NDOR1: variants seen among roughly 807,000 people sequenced by gnomAD.
NDOR1 encodes NADPH-dependent diflavin oxidoreductase 1.
A neutral mutation model predicts 67.2 loss-of-function variants in NDOR1; 61 were observed. That is an observed-to-expected ratio of 0.91 (90% confidence interval 0.74 to 1.12). The LOEUF (loss-of-function observed/expected upper bound fraction) is 1.12. Among genes scored for constraint, NDOR1 ranks in the 50% most tolerant of loss-of-function variants. The pLI, the probability that NDOR1 is intolerant of heterozygous loss-of-function variation, is 0.00. For missense variants in NDOR1, 878 were observed against 802.8 expected (o/e 1.09, Z -1.13); for synonymous variants, 378 against 343.7 (o/e 1.10, Z -1.10).
In NDOR1 at chr9:137,218,855, G is replaced by A; in HGVS notation, c.*2439G>A. On this transcript the variant is annotated 3_prime_UTR_variant, in exon 14 of 14. Coordinates refer to ENST00000684003, the MANE Select transcript of NDOR1 (RefSeq NM_014434.4). ...GAACCCAAGGACACCAGCGCCCAAG[G>A]ACAGCTCCTGGAGGAGGCCAGCCCA... 1 of 386,460 alleles carries A rather than the reference G, an allele frequency of 2.6e-6. No individual in the cohort carries two copies. The highest frequency in any genetic ancestry group is 4.5e-5 in the Admixed American group (1 of 22,272). The allele number at this position is 386,460 out of a possible 1,614,324, so 23.9% of individuals were successfully genotyped here.
chr9:137,208,870 T>TTTG (rs373421878), intron 2 of NDOR1, among the ~76,000 whole-genome samples: 148 of 150,504 alleles, frequency 9.8e-4, no homozygotes, highest in African/African-American at 3.4e-3. Flanking sequence ...TTTGTTGTTG[T>TTTG]TTGTTGTTGT....
At position 137,218,622 on chromosome 9, in the gene NDOR1, C is replaced by T. The variant is rs1310996290; in HGVS notation, c.*2206C>T. ...CGCTGAGCAGAGCCCAGGACAGCCC[C>T]GCCGCCAACAGGCCAGGGGGCCCAG... On this transcript the variant is annotated 3_prime_UTR_variant, in exon 14 of 14. Transcript: ENST00000684003. 13 of 398,564 alleles carry T rather than the reference C, an allele frequency of 3.3e-5. No homozygotes were observed. Among genetic ancestry groups the T allele is most frequent in the Admixed American group, 2.2e-4 (5 of 22,740 alleles). 24.7% of individuals were successfully genotyped at this position (398,564 alleles called of 1,614,324 possible).
At position 137,213,808 on chromosome 9, in the gene NDOR1, C is replaced by G. The variant is rs752836546; in HGVS notation, c.340C>G (p.Arg114Gly). 6.2e-7 allele frequency: 1 copy of G among 1,612,724 alleles called. No individual in the cohort carries two copies. The highest frequency in any genetic ancestry group is 1.7e-5 in the Admixed American group (1 of 59,830). ...CAACTTCGTGGCCAAGAAGCTGCAC[C>G]GACGGCTACTGCAGCTTGGGGGCAG... ...KFNFVAKKLH[R>G]RLLQLGGSAL... The change falls in exon 4 of 14, where the codon CGA (arginine) becomes GGA (glycine). Residue 114 changes from arginine (R) to glycine (G), a missense_variant. Physicochemically the swap from Arg to Gly is moderately radical, Grantham distance 125. Transcript: ENST00000684003.
Position 137,217,777 on chromosome 9 carries a change from T to C in NDOR1, c.*1361T>C, listed in dbSNP as rs903937595. ...CCCTGGGGTCCCTGTCCTCCTATCC[T>C]GACTCCTGCCCCAGGGCCACCACCC... On this transcript the variant is annotated 3_prime_UTR_variant, in exon 14 of 14. Transcript: ENST00000684003. 1.8e-5 allele frequency: 7 copies of C among 393,838 alleles called. No homozygotes were observed. Among genetic ancestry groups the C allele is most frequent in the Admixed American group, 4.4e-5 (1 of 22,528 alleles). 24.4% of individuals were successfully genotyped at this position (393,838 alleles called of 1,614,324 possible). A position where few individuals can be genotyped will look rare whatever the true frequency, so the allele number is the denominator to read the frequency against.
In NDOR1 at chr9:137,217,449, G is replaced by A. The variant is rs1359465734; in HGVS notation, c.*1033G>A. 1 of 152,460 alleles carries A rather than the reference G, an allele frequency of 6.6e-6. No homozygotes were observed. Among genetic ancestry groups the A allele is most frequent in the Non-Finnish European group, 1.5e-5 (1 of 68,222 alleles). The allele number at this position is 152,460 out of a possible 1,614,324, so 9.4% of individuals were successfully genotyped here. On this transcript the variant is annotated 3_prime_UTR_variant, in exon 14 of 14. Transcript: ENST00000684003. Reference sequence around the variant, plus strand: ...AGCCCCACCCCCGGGAGGGGCTTTAGGCACTGGGAAGGAAAGTCCTGTTGG... The same window carrying A: ...AGCCCCACCCCCGGGAGGGGCTTTAAGCACTGGGAAGGAAAGTCCTGTTGG...
chr9:137,213,882 A>C lies in NDOR1; in HGVS notation c.410+4A>C, dbSNP rs1053932222. 1 of 1,607,516 alleles carries C rather than the reference A, an allele frequency of 6.2e-7. No homozygotes were observed. The highest frequency in any genetic ancestry group is 1.3e-5 in the African/African-American group (1 of 74,748). ...GCGATGACCAGCATGAGCTGGGGTG[A>C]GTCTGCGGGCGTGGTACCCGCCTCC... On this transcript the variant is annotated splice_donor_region_variant and intron_variant, in intron 4 of 13. Transcript: ENST00000684003.
Position 137,218,726 on chromosome 9 carries a change from G to C in NDOR1, c.*2310G>C, listed in dbSNP as rs1835751989. 1 of 397,428 alleles carries C rather than the reference G, an allele frequency of 2.5e-6. No homozygotes were observed. The highest frequency in any genetic ancestry group is 2.1e-5 in the African/African-American group (1 of 48,628). The allele number at this position is 397,428 out of a possible 1,614,324, so 24.6% of individuals were successfully genotyped here. The stretch of plus-strand genomic sequence containing the variant: ...AAAACCCAAGGTTGGGTCCAGGGCA[G>C]TGGCCTTCAATCAAGACCTCCCATT... On this transcript the variant is annotated 3_prime_UTR_variant, in exon 14 of 14. Transcript: ENST00000684003.
At chr9:137,209,026 G>GC (rs1835117755) in intron 2 of NDOR1, among the ~76,000 whole-genome samples, 1 of 152,024 alleles carries the variant, frequency 6.6e-6, no homozygotes, top group South Asian at 2.1e-4. Flanking sequence ...GACTACAGGC[G>GC]CCGCCACCAC....
Position 137,212,993 on chromosome 9 carries a change from A to G in NDOR1, c.311+394A>G, listed in dbSNP as rs966135762. On this transcript the variant is annotated intron_variant, in intron 3 of 13. Coordinates refer to ENST00000684003, the MANE Select transcript of NDOR1 (RefSeq NM_014434.4). This position sits in a 1 kb window ranked among gnomAD's most constrained non-coding sequence, Gnocchi z 4.3. ...GGGCATTTTCACAGTGCTCCTCTGC[A>G]CCCTAAGCAAGGAGTGGCATGTTCA... Among the ~76,000 whole-genome samples, 1 of 152,122 alleles carries G rather than the reference A, an allele frequency of 6.6e-6. No individual in the cohort carries two copies.
chr9:137,216,074 C>A lies in NDOR1; in HGVS notation c.1555-20C>A. 6.2e-7 allele frequency: 1 copy of A among 1,613,468 alleles called. No individual in the cohort carries two copies. Among genetic ancestry groups the A allele is most frequent in the South Asian group, 1.1e-5 (1 of 91,086 alleles). On this transcript the variant is annotated intron_variant, in intron 12 of 13. Coordinates refer to ENST00000684003, the MANE Select transcript of NDOR1 (RefSeq NM_014434.4). ...GAGGGAGCTCCGGCTCAGCCCCCAG[C>A]CCTGTTCTCTGCCCTACAGGAGCAG...
chr9:137,210,887 T>C (rs376993358), intron 2 of NDOR1, among the ~76,000 whole-genome samples: 6 of 152,312 alleles, frequency 3.9e-5, no homozygotes, highest in African/African-American at 9.6e-5. Flanking sequence ...ACGCCTGTAA[T>C]ACCAACACTT....
Position 137,214,586 on chromosome 9 carries a change from G to A in NDOR1, c.739G>A (p.Val247Met). The A allele has an allele frequency of 1.2e-6, 2 of 1,611,566 alleles. No homozygotes were observed. Among genetic ancestry groups the A allele is most frequent in the East Asian group, 2.2e-5 (1 of 44,880 alleles). The stretch of plus-strand genomic sequence containing the variant: ...TCCACACAGCTTTGCTGCTGGTGAT[G>A]TGGTGCTGATTCAGCCCTCCAACTC... ...GSGISFAAGD[V>M]VLIQPSNSAA... Residue 247 changes from valine (V) to methionine (M), a missense_variant, in exon 7 of 14, where the codon GTG becomes ATG. Coordinates refer to ENST00000684003, the MANE Select transcript of NDOR1 (RefSeq NM_014434.4).
At position 137,219,014 on chromosome 9, in the gene NDOR1, C is replaced by T. The variant is rs145535838; in HGVS notation, c.*2598C>T. 3.3e-3 allele frequency: 592 copies of T among 177,600 alleles called. 6 individuals carry two copies. The highest frequency in any genetic ancestry group is 0.013 in the African/African-American group (555 of 42,582). The allele number at this position is 177,600 out of a possible 1,614,324, so 11.0% of individuals were successfully genotyped here. ...GCAGGCATGAAAGCAAACAGAGATA[C>T]AGCAGTGAGTCAGTTCCTTGGAGAG... On this transcript the variant is annotated 3_prime_UTR_variant, in exon 14 of 14. Coordinates refer to ENST00000684003, the MANE Select transcript of NDOR1 (RefSeq NM_014434.4).
rs1564398895 is a variant in NDOR1 at position 137,214,678 on chromosome 9, G to C, written c.831G>C (p.Gln277His). 4 of 1,603,850 alleles carry C rather than the reference G, an allele frequency of 2.5e-6. No homozygotes were observed. Among genetic ancestry groups the C allele is most frequent in the Non-Finnish European group, 3.4e-6 (4 of 1,179,824 alleles). The stretch of plus-strand genomic sequence containing the variant: ...ACCCTGACCAGCTCTTCATGCTGCA[G>C]CCGCGGGAGCCAGGTGAGCCCAGCC... ...GLDPDQLFML[Q>H]PREPDVSSPT... Residue 277 changes from glutamine (Q) to histidine (H), a missense_variant, in exon 7 of 14, where the codon CAG becomes CAC. Transcript: ENST00000684003.
Position 137,213,865 on chromosome 9 carries a change from C to T in NDOR1, c.397C>T (p.Gln133Ter). The T allele has an allele frequency of 1.9e-6, 3 of 1,610,812 alleles. No individual in the cohort carries two copies. Among genetic ancestry groups the T allele is most frequent in the Non-Finnish European group, 2.5e-6 (3 of 1,179,082 alleles). Residue 133 changes from glutamine (Q) to a stop codon, truncating the protein, a stop_gained, in exon 4 of 14, where the codon CAG becomes TAG. Transcript: ENST00000684003. LOFTEE classifies it high-confidence loss of function. ...ALLPVCLGDD[Q>*]HELGPDAAVD... ...CCTGCCCGTGTGCCTGGGCGATGAC[C>T]AGCATGAGCTGGGGTGAGTCTGCGG...
chr9:137,215,173 AG>A lies in NDOR1; in HGVS notation c.1147del (p.Ala383ProfsTer9). On this transcript the variant is annotated frameshift_variant, in exon 9 of 14. Transcript: ENST00000684003. LOFTEE classifies it high-confidence loss of function. ...GGACCTCATCCCCGTTATCCGGCCGAGGGCCTTCTCCATCGCCTCCTCGCTG... is the reference window on the plus strand; with the variant it reads ...GGACCTCATCCCCGTTATCCGGCCGAGGCCTTCTCCATCGCCTCCTCGCTG... ...LLDLIPVIRP[R>X]AFSIASSLLT... 6.2e-7 allele frequency: 1 copy of A among 1,612,948 alleles called. No homozygotes were observed.
rs767481752 is a variant in NDOR1 at position 137,212,477 on chromosome 9, G to A, written c.214-25G>A. On this transcript the variant is annotated intron_variant, in intron 2 of 13. Coordinates refer to ENST00000684003, the MANE Select transcript of NDOR1 (RefSeq NM_014434.4). The surrounding 1 kb of genome is among the most constrained non-coding windows in gnomAD (Gnocchi z 4.3). ...GGCTAGCCTAGAGGTCGAGGACTCT[G>A]ACTCAGAGTTTCCTCCGGCTGTAGA... 4.4e-6 allele frequency: 7 copies of A among 1,607,172 alleles called. No individual in the cohort carries two copies. The Admixed American group carries it at 6.7e-5, about 15-fold the overall frequency.
At position 137,212,954 on chromosome 9, in the gene NDOR1, C is replaced by G; in HGVS notation, c.311+355C>G. On this transcript the variant is annotated intron_variant, in intron 3 of 13. Transcript: ENST00000684003. This position sits in a 1 kb window ranked among gnomAD's most constrained non-coding sequence, Gnocchi z 4.3. ...GCTCCTGCCACCCCAGAGGCCACCT[C>G]TGCCTTTTCTCCTGGGCATTTTCAC... The G allele has an allele frequency of 3.4e-6, 1 of 295,368 alleles. No homozygotes were observed. The highest frequency in any genetic ancestry group is 4.1e-5 in the South Asian group (1 of 24,214). The allele number at this position is 295,368 out of a possible 1,614,324, so 18.3% of individuals were successfully genotyped here. A position where few individuals can be genotyped will look rare whatever the true frequency, so the allele number is the denominator to read the frequency against.
rs752891299 is a variant in NDOR1, at chr9:137,216,336, G to A, written c.1714G>A (p.Gly572Arg). 1.1e-5 allele frequency: 18 copies of A among 1,610,864 alleles called. No homozygotes were observed. In the African/African-American group the frequency reaches 2.3e-4, roughly 20 times the overall value. ...GATGTCCATCTTCCAGGAGGAGGGTGGACTCTGCAGCCCGGACGCAGCCGC... is the reference window on the plus strand; with the variant it reads ...GATGTCCATCTTCCAGGAGGAGGGTAGACTCTGCAGCCCGGACGCAGCCGC... ...ALMSIFQEEGGLCSPDAAAYL... is the reference protein window; with the variant it reads ...ALMSIFQEEGRLCSPDAAAYL... The change falls in exon 14 of 14, where the codon GGA (glycine) becomes AGA (arginine). Residue 572 changes from glycine (G) to arginine (R), a missense_variant. By Grantham distance (125) the Gly-to-Arg change is moderately radical (BLOSUM62 -2). Coordinates refer to ENST00000684003, the MANE Select transcript of NDOR1 (RefSeq NM_014434.4).
Sources: gnomAD v4.1 joint callset for allele counts (sites outside exome capture counted in the v4.1 genomes callset) on GRCh38, gnomAD v4.1.1 for gene constraint, Gnocchi (gnomAD v3.1) non-coding constraint, MANE v1.5 for transcripts, NCBI Gene and HGNC (gene_info 2026-07-23, HGNC 2026-07-21) for gene names.